CENPP: variants seen among roughly 807,000 people sequenced by gnomAD.
CENPP encodes the protein centromere protein P.
CENPP carries 24 observed loss-of-function variants against 35.6 expected under a neutral mutation model. The ratio of observed to expected loss-of-function variants is 0.67; its 90% confidence interval spans 0.49 to 0.95. The LOEUF (loss-of-function observed/expected upper bound fraction) is 0.95. Ranked by LOEUF, CENPP falls within the 40% of genes least tolerant of loss-of-function variation. The probability of loss-of-function intolerance (pLI) is 0.00; values close to 1 mark genes in which losing one functional copy is unlikely to be tolerated. For missense variants in CENPP, 332 were observed against 345.3 expected, an observed-to-expected ratio of 0.96 and a Z score of 0.31; for synonymous variants, 120 against 125.5, an observed-to-expected ratio of 0.96 and a Z score of 0.29.
At chr9:92,381,328 G>A (rs181804109) in intron 5 of CENPP, among the ~76,000 whole-genome samples, 249 of 151,056 alleles carry the variant, frequency 1.6e-3, no homozygotes, top group Middle Eastern at 3.4e-3. Context: ...CTGTCACCCA[G>A]GCTGGAGTCC....
At chr9:92,360,403 A>C (rs911660389) in intron 4 of CENPP, among the ~76,000 whole-genome samples, 1 of 152,144 alleles carries the variant, frequency 6.6e-6, no homozygotes, top group Non-Finnish European at 1.5e-5. Context: ...TATCTCTACA[A>C]AAACAACAAC....
At chr9:92,380,641 G>T (rs1172119587) in intron 5 of CENPP, among the ~76,000 whole-genome samples, 1 of 152,102 alleles carries the variant, frequency 6.6e-6, no homozygotes, top group African/African-American at 2.4e-5. Flanking sequence ...TTTCCACAAA[G>T]AAACATGGGC....
chr9:92,553,313 G>A (rs896831963), intron 5 of CENPP, among the ~76,000 whole-genome samples: 9 of 152,066 alleles, frequency 5.9e-5, no homozygotes, highest in African/African-American at 1.4e-4. Context: ...GGTGACTGTG[G>A]CCTTATAGTT....
Position 92,611,386 on chromosome 9 carries a change from C to T in CENPP, c.637C>T (p.Arg213Trp), listed in dbSNP as rs144646695. 2.0e-3 allele frequency: 3,268 copies of T among 1,612,750 alleles called. 5 individuals are homozygous for T. Among genetic ancestry groups the T allele is most frequent in the Non-Finnish European group, 2.5e-3 (2,968 of 1,179,830 alleles). ...CTCCATGGGGATCCGCAGCGCCAGCCGGCCAGGGTGAGCCTGCACAGGCCA... is the reference window on the plus strand; with the variant it reads ...CTCCATGGGGATCCGCAGCGCCAGCTGGCCAGGGTGAGCCTGCACAGGCCA... ...SCSMGIRSAS[R>W]PGFELVIVWR... is the part of the protein sequence containing the mutation. The change falls in exon 6 of 8, where the codon CGG (arginine) becomes TGG (tryptophan). Residue 213 changes from arginine to tryptophan, a missense_variant. Arg to Trp is a moderately radical substitution (Grantham distance 101, BLOSUM62 -3). Transcript: ENST00000375587.
In CENPP at chr9:92,345,679, A is replaced by C. The variant is rs763854408; in HGVS notation, c.379-20A>C. On this transcript the variant is annotated intron_variant, in intron 3 of 7. Transcript: ENST00000375587. ...GAAGTTTACTGTGCTTTGATACAGAAATTTTTATCTTTATTTTAGAATAAG... is the reference window on the plus strand; with the variant it reads ...GAAGTTTACTGTGCTTTGATACAGACATTTTTATCTTTATTTTAGAATAAG... 1 of 1,411,230 alleles carries C rather than the reference A, an allele frequency of 7.1e-7. No individual in the cohort carries two copies. The highest frequency in any genetic ancestry group is 9.9e-7 in the Non-Finnish European group (1 of 1,008,808). 87.4% of individuals were successfully genotyped at this position (1,411,230 alleles called of 1,614,324 possible). A position where few individuals can be genotyped will look rare whatever the true frequency, so the allele number is the denominator to read the frequency against.
intron 5 of CENPP, among the ~76,000 whole-genome samples, chr9:92,447,033 A>G (rs1844569797): frequency 1.3e-5 from 2 of 152,100 alleles, no homozygotes; most frequent in African/African-American, 4.8e-5. Context: ...TTTCAAAACA[A>G]AGGAATGAGT....
chr9:92,515,013 T>C (rs749123509), intron 5 of CENPP: 3 of 1,613,988 alleles, frequency 1.9e-6, no homozygotes, highest in Non-Finnish European at 8.5e-7. Context: ...TCTTTTGCTC[T>C]GTATCTTCTT....
intron 5 of CENPP, among the ~76,000 whole-genome samples, chr9:92,393,947 G>A (rs1387053273): frequency 6.6e-6 from 1 of 152,010 alleles, no homozygotes; most frequent in Non-Finnish European, 1.5e-5. Flanking sequence ...AATATCTTTG[G>A]TCACTTGGTT....
chr9:92,491,980 G>A (rs1185090693), intron 5 of CENPP, among the ~76,000 whole-genome samples: 2 of 152,136 alleles, frequency 1.3e-5, no homozygotes, highest in Non-Finnish European at 2.9e-5. Flanking sequence ...AAGCCCAGAC[G>A]TGAGTCCCTC....
chr9:92,615,771 ATATCTC>A lies in CENPP; in HGVS notation c.*2627_*2632del. On this transcript the variant is annotated 3_prime_UTR_variant, in exon 8 of 8. Transcript: ENST00000375587. ...CAAAGGTCACCCAACACAACAGAAA[ATATCTC>A]TATCATTCAGCCTTCACATTATGTT... 7.3e-7 allele frequency: 1 copy of A among 1,372,998 alleles called. No individual in the cohort carries two copies. Among genetic ancestry groups the A allele is most frequent in the South Asian group, 1.2e-5 (1 of 83,022 alleles). The allele number at this position is 1,372,998 out of a possible 1,614,324, so 85.1% of individuals were successfully genotyped here.
chr9:92,468,343 A>G (rs1269878300), intron 5 of CENPP, among the ~76,000 whole-genome samples: 1 of 152,204 alleles, frequency 6.6e-6, no homozygotes, highest in Non-Finnish European at 1.5e-5. Flanking sequence ...GTTAAACTGC[A>G]CTCTCAGTGC....
intron 5 of CENPP, among the ~76,000 whole-genome samples, chr9:92,607,567 T>G (rs935422203): frequency 4.6e-5 from 7 of 152,222 alleles, no homozygotes; most frequent in Non-Finnish European, 8.8e-5. Flanking sequence ...TCTCATATAA[T>G]TTATATGAAT....
intron 5 of CENPP, among the ~76,000 whole-genome samples, chr9:92,595,860 C>G (rs891073298): frequency 6.6e-6 from 1 of 152,176 alleles, no homozygotes; most frequent in Admixed American, 6.5e-5. Context: ...CCGCACCCAG[C>G]CTATTTCCTT....
chr9:92,336,278 A>G (rs1840925620), intron 2 of CENPP, among the ~76,000 whole-genome samples: 1 of 152,208 alleles, frequency 6.6e-6, no homozygotes, highest in Non-Finnish European at 1.5e-5. Flanking sequence ...AATTATGTCA[A>G]TTTGTACCAT....
At chr9:92,469,037 G>A (rs1022436529) in intron 5 of CENPP, among the ~76,000 whole-genome samples, 2 of 152,112 alleles carry the variant, frequency 1.3e-5, no homozygotes, top group African/African-American at 4.8e-5. Context: ...GCTGAAAAGG[G>A]GTTGAAGAAG....
intron 5 of CENPP, among the ~76,000 whole-genome samples, chr9:92,560,885 T>G (rs1243799131): frequency 6.0e-5 from 9 of 151,208 alleles, no homozygotes; most frequent in Admixed American, 5.9e-4. Flanking sequence ...TTTTTTTTTT[T>G]TTTTAAATTG....
rs1444548033 is a variant in CENPP, at chr9:92,549,519, C to T, written c.565-61795C>T. Among the ~76,000 whole-genome samples the T allele has an allele frequency of 2.6e-5, 4 of 152,156 alleles. No homozygotes were observed. In the East Asian group the frequency reaches 5.8e-4, roughly 22 times the overall value. On this transcript the variant is annotated intron_variant, in intron 5 of 7. Coordinates refer to ENST00000375587, the MANE Select transcript of CENPP (RefSeq NM_001012267.3). The stretch of plus-strand genomic sequence containing the variant: ...AAAATTAGCTGGGCGTTGTGGCACA[C>T]GCCTGTAGTCCCAGCCACTCGGGAG...
At chr9:92,581,252 G>T (rs1850417473) in intron 5 of CENPP, among the ~76,000 whole-genome samples, 1 of 152,098 alleles carries the variant, frequency 6.6e-6, no homozygotes, top group South Asian at 2.1e-4. Context: ...AGGAATGCCA[G>T]GGTACTTCTG....
chr9:92,545,969 T>G (rs1285435219), intron 5 of CENPP, among the ~76,000 whole-genome samples: 1 of 152,004 alleles, frequency 6.6e-6, no homozygotes, highest in Non-Finnish European at 1.5e-5. Flanking sequence ...GCTCAGGGTT[T>G]GTAAATGCAC....
Sources: gnomAD v4.1 joint callset for allele counts (sites outside exome capture counted in the v4.1 genomes callset) on GRCh38, gnomAD v4.1.1 for gene constraint, MANE v1.5 for transcripts, NCBI Gene and HGNC (gene_info 2026-07-23, HGNC 2026-07-21) for gene names.